Variants in AASDH observed in about 807,000 individuals in gnomAD.
AASDH encodes the protein beta-alanine-activating enzyme.
A neutral mutation model predicts 102.3 loss-of-function variants in AASDH; 81 were observed. The ratio of observed to expected loss-of-function variants is 0.79; its 90% CI spans 0.66 to 0.95. The LOEUF is 0.95. Among genes scored for constraint, AASDH ranks in the 40% least tolerant of loss-of-function variants. AASDH has a pLI of 0.00. For missense variants in AASDH, 1,203 were observed against 1,266.2 expected (o/e 0.95, Z 0.76); for synonymous variants, 398 against 454.0 (o/e 0.88, Z 1.57).
intron 5 of AASDH, 127 bp downstream of exon 5, chr4:56,371,323 CG>C: frequency 1.1e-6 from 1 of 908,906 alleles, no homozygotes; most frequent in Non-Finnish European, 1.6e-6. Flanking sequence ...CCTGAGGAGA[CG>C]GCCCTTGATA....
At chr4:56,355,641 C>A (rs1202869702) in intron 5 of AASDH, among the ~76,000 whole-genome samples, 2 of 124,800 alleles carry the variant, frequency 1.6e-5, no homozygotes, top group South Asian at 2.6e-4. Context: ...TTTTTTGAGA[C>A]AGGGTCTCAC....
chr4:56,384,406 A>G (rs1457786340), intron 1 of AASDH, 65 bp from the exon 2 acceptor site: 1 of 760,462 alleles, frequency 1.3e-6, no homozygotes, highest in Admixed American at 2.5e-5. Context: ...GGGACAGGGA[A>G]AAACTTCTCT....
intron 5 of AASDH, chr4:56,357,071 C>A: frequency 3.4e-6 from 1 of 293,178 alleles, no homozygotes; most frequent in Non-Finnish European, 6.4e-6. Context: ...ATATAATAAA[C>A]TATTTTAAGT....
rs1747109853 is a variant in AASDH at position 56,338,372 on chromosome 4, A to ATTTG, written c.*26_*29dup. ...GGTAAAATATTTTCAAATATCTCAC[A>ATTTG]TTTGTTATACAAATAAGGACTGTAT... On this transcript the variant is annotated 3_prime_UTR_variant, in exon 15 of 15. Transcript: ENST00000205214. 3 of 1,589,022 alleles carry ATTTG rather than the reference A, an allele frequency of 1.9e-6. No homozygotes were observed. Among genetic ancestry groups the ATTTG allele is most frequent in the Non-Finnish European group, 2.6e-6 (3 of 1,167,868 alleles).
Position 56,353,396 on chromosome 4 carries a change from T to A in AASDH, c.1576+8A>T, listed in dbSNP as rs147056567. On this transcript the variant is annotated splice_region_variant and intron_variant, in intron 9 of 14. Coordinates refer to ENST00000205214, the MANE Select transcript of AASDH (RefSeq NM_181806.4). ...GCACTGAAACATATCTGCTTTAAAT[T>A]ACTTTACCGTGGGATGTAAATGGTA... is the stretch of plus-strand genomic sequence containing the variant. 1.1e-5 allele frequency: 18 copies of A among 1,580,200 alleles called. No individual in the cohort carries two copies. In the East Asian group the frequency reaches 3.8e-4, roughly 34 times the overall value.
chr4:56,364,091 T>C lies in AASDH; in HGVS notation c.861+7360A>G, dbSNP rs180761427. 4.6e-5 allele frequency among the ~76,000 whole-genome samples: 7 copies of C among 152,200 alleles called. No homozygotes were observed. The East Asian group carries it at 1.4e-3, about 29-fold the overall frequency. On this transcript the variant is annotated intron_variant, in intron 5 of 14. Transcript: ENST00000205214. ...TGAATGCACAAGCCTCAGTAGCCAA[T>C]GGGATCAACTGGAAGAAAGGGTATC... is the stretch of plus-strand genomic sequence containing the variant.
At chr4:56,358,957 T>C (rs1021004593) in intron 5 of AASDH, among the ~76,000 whole-genome samples, 1 of 152,202 alleles carries the variant, frequency 6.6e-6, no homozygotes, top group African/African-American at 2.4e-5. Context: ...TTTTGTCCAT[T>C]TTTGTTTCAT....
At chr4:56,375,614 C>T (rs1159738221) in intron 4 of AASDH, among the ~76,000 whole-genome samples, 20 of 152,174 alleles carry the variant, frequency 1.3e-4, no homozygotes, top group Admixed American at 1.3e-3. Flanking sequence ...ATTTCACGGA[C>T]CATTCTTACC....
At chr4:56,364,313 A>G (rs1342247057) in intron 5 of AASDH, among the ~76,000 whole-genome samples, 1 of 152,194 alleles carries the variant, frequency 6.6e-6, no homozygotes, top group East Asian at 1.9e-4. Context: ...TATCAAGGAG[A>G]ACTTCCCCAA....
Position 56,349,663 on chromosome 4 carries a change from T to C in AASDH, c.2088A>G (p.Leu696=), listed in dbSNP as rs759143856. 1.2e-6 allele frequency: 2 copies of C among 1,614,202 alleles called. No individual in the cohort carries two copies. The highest frequency in any genetic ancestry group is 1.7e-6 in the Non-Finnish European group (2 of 1,180,042). Residue 696 remains leucine, a synonymous_variant, in exon 11 of 15, where the codon TTA becomes TTG. Coordinates refer to ENST00000205214, the MANE Select transcript of AASDH (RefSeq NM_181806.4). ...CTGAAGAGCAATGTCCTAACTTTGT[T>C]AAAAACCTAGTGGAATTCAGAGACA... The part of the protein sequence containing the change: ...QILSLNSTRF[L]TKLGHCSSAC...
intron 1 of AASDH, among the ~76,000 whole-genome samples, chr4:56,386,775 G>A (rs10017460): frequency 0.16 from 18,737 of 119,088 alleles, 1,624 homozygotes; most frequent in Admixed American, 0.32. Context: ...AGTCCGGCCT[G>A]GGCGACAGAG....
intron 4 of AASDH, among the ~76,000 whole-genome samples, chr4:56,377,654 C>CA (rs1207404251): frequency 6.6e-6 from 1 of 152,144 alleles, no homozygotes; most frequent in Non-Finnish European, 1.5e-5. Flanking sequence ...TTGGATGAAA[C>CA]AGGTGAAGGG....
chr4:56,354,522 G>A (rs1435251507), intron 7 of AASDH, among the ~76,000 whole-genome samples, 183 bp downstream of exon 7: 1 of 152,032 alleles, frequency 6.6e-6, no homozygotes, highest in Non-Finnish European at 1.5e-5. Context: ...TTATTAATGT[G>A]TTAGACATTA....
intron 11 of AASDH, among the ~76,000 whole-genome samples, chr4:56,346,316 T>C (rs1748325043): frequency 2.6e-5 from 4 of 152,178 alleles, no homozygotes; most frequent in Admixed American, 2.6e-4. Context: ...TATTATTTAG[T>C]AGCAAGAGAG....
chr4:56,348,474 C>G (rs1014194114), intron 11 of AASDH, among the ~76,000 whole-genome samples: 1 of 152,058 alleles, frequency 6.6e-6, no homozygotes, highest in Admixed American at 6.6e-5. Context: ...AGGCTGGTCT[C>G]GAACTCCTGG....
At chr4:56,368,101 A>G (rs1385240482) in intron 5 of AASDH, among the ~76,000 whole-genome samples, 1 of 152,250 alleles carries the variant, frequency 6.6e-6, no homozygotes, top group African/African-American at 2.4e-5. Flanking sequence ...TTATGCAGCC[A>G]AAAAACACAT....
intron 5 of AASDH, among the ~76,000 whole-genome samples, chr4:56,368,715 T>G (rs1436705316): frequency 4.5e-4 from 47 of 104,140 alleles, no homozygotes; most frequent in Non-Finnish European, 1.3e-4. Flanking sequence ...ACTGGGGACT[T>G]TTGTGGGGTG....
chr4:56,344,474 A>G (rs1748088917), intron 12 of AASDH, among the ~76,000 whole-genome samples: 1 of 151,912 alleles, frequency 6.6e-6, no homozygotes, highest in African/African-American at 2.4e-5. Context: ...TTATTTTTCT[A>G]TCTGCTCTAC....
chr4:56,366,325 A>G (rs1751002298), intron 5 of AASDH, among the ~76,000 whole-genome samples: 1 of 152,340 alleles, frequency 6.6e-6, no homozygotes, highest in South Asian at 2.1e-4. Flanking sequence ...TTCTCAAACT[A>G]TTCCAATCAA....
Sources: allele counts gnomAD v4.1 joint callset (sites outside exome capture counted in the v4.1 genomes callset), GRCh38; gene constraint gnomAD v4.1.1; transcripts MANE v1.5; gene names NCBI Gene and HGNC (gene_info 2026-07-23, HGNC 2026-07-21).